OSBPL1A: variants seen among roughly 807,000 people sequenced by gnomAD.
OSBPL1A encodes the protein oxysterol binding protein like 1A, also known as oxysterol-binding protein-related protein 1.
OSBPL1A carries 80 observed loss-of-function variants against 137.1 expected under a neutral mutation model. The ratio of observed to expected loss-of-function variants is 0.58; its 90% CI spans 0.49 to 0.70. OSBPL1A has a LOEUF of 0.70. Among genes scored for constraint, OSBPL1A ranks in the 30% least tolerant of loss-of-function variants. The pLI is 0.00. For missense variants in OSBPL1A, 970 were observed against 1,129.4 expected (o/e 0.86, Z 2.02); for synonymous variants, 365 against 389.7 (o/e 0.94, Z 0.75).
chr18:24,284,537 G>C (rs1457457249), intron 14 of OSBPL1A, among the ~76,000 whole-genome samples: 4 of 152,046 alleles, frequency 2.6e-5, no homozygotes, highest in Admixed American at 1.3e-4. Flanking sequence ...ATTTTTAATT[G>C]GGTAAGTTTT....
chr18:24,372,351 C>T (rs1905720437), intron 2 of OSBPL1A, among the ~76,000 whole-genome samples: 1 of 152,076 alleles, frequency 6.6e-6, no homozygotes, highest in Non-Finnish European at 1.5e-5. Flanking sequence ...TGTTTCTGTG[C>T]TGTTGACTTC....
At position 24,242,539 on chromosome 18, in the gene OSBPL1A, C is replaced by T. The variant is rs542660920; in HGVS notation, c.1282-3157G>A. On this transcript the variant is annotated intron_variant, in intron 15 of 27. Transcript: ENST00000319481. ...TCCCCACAGCCCCCAAGGATGAAGG[C>T]TCTTCTCTGTTCTGTGGCCCTGAGT... Among the ~76,000 whole-genome samples, 4 of 152,238 alleles carry T rather than the reference C, an allele frequency of 2.6e-5. No individual in the cohort carries two copies. In the East Asian group the frequency reaches 5.8e-4, roughly 22 times the overall value.
chr18:24,370,659 C>T (rs1336993987), intron 2 of OSBPL1A, among the ~76,000 whole-genome samples: 2 of 152,152 alleles, frequency 1.3e-5, no homozygotes, highest in Non-Finnish European at 2.9e-5. Context: ...CTTATCCAGC[C>T]CCCAGCTCTA....
chr18:24,348,098 A>G (rs2091377267), intron 4 of OSBPL1A, among the ~76,000 whole-genome samples: 1 of 152,168 alleles, frequency 6.6e-6, no homozygotes, highest in African/African-American at 2.4e-5. Flanking sequence ...TCCAATGCCC[A>G]TATGTGTGGA....
At chr18:24,311,915 G>T (rs756649992) in intron 13 of OSBPL1A, 69 bp downstream of exon 13, 22 of 1,568,172 alleles carry the variant, frequency 1.4e-5, no homozygotes, top group Non-Finnish European at 1.8e-5. Context: ...ACATCTTAAA[G>T]AAAAAAGTTC....
chr18:24,240,118 T>C (rs1337009074), intron 15 of OSBPL1A, among the ~76,000 whole-genome samples: 3 of 152,000 alleles, frequency 2.0e-5, no homozygotes, highest in Non-Finnish European at 4.4e-5. Flanking sequence ...GAGATGGGGT[T>C]TCACCATGTT....
intron 14 of OSBPL1A, among the ~76,000 whole-genome samples, chr18:24,294,265 T>C (rs1406861182): frequency 1.3e-5 from 2 of 151,850 alleles, no homozygotes; most frequent in South Asian, 2.1e-4. Flanking sequence ...GGAGTCTTGC[T>C]CTGTTGCCCA....
At chr18:24,353,756 A>C (rs1313762900) in intron 4 of OSBPL1A, among the ~76,000 whole-genome samples, 2 of 152,068 alleles carry the variant, frequency 1.3e-5, no homozygotes, top group African/African-American at 2.4e-5. Context: ...TGATGAGTTC[A>C]TGTCCTTCGT....
chr18:24,315,625 AAT>A (rs199819354), intron 11 of OSBPL1A, among the ~76,000 whole-genome samples: 13,717 of 106,450 alleles, frequency 0.13, 926 homozygotes, highest in Middle Eastern at 0.18. Context: ...TAATATAATT[AAT>A]TATATATATT....
At chr18:24,314,185 A>G in intron 12 of OSBPL1A, 64 bp downstream of exon 12, 2 of 1,104,028 alleles carry the variant, frequency 1.8e-6, no homozygotes, top group Non-Finnish European at 2.6e-6. Context: ...AACCTATGTT[A>G]TATTCTCCGT....
At chr18:24,322,400 T>C (rs897501661) in intron 7 of OSBPL1A, among the ~76,000 whole-genome samples, 1 of 151,874 alleles carries the variant, frequency 6.6e-6, no homozygotes, top group Non-Finnish European at 1.5e-5. Flanking sequence ...GGATTACAGG[T>C]GTGAGCCACC....
chr18:24,314,191 T>G, intron 12 of OSBPL1A, 58 bp downstream of exon 12: 1 of 1,168,228 alleles, frequency 8.6e-7, no homozygotes, highest in South Asian at 1.5e-5. Flanking sequence ...TGTTATATTC[T>G]CCGTGTCTTT....
At chr18:24,309,060 C>A (rs959877681) in intron 13 of OSBPL1A, among the ~76,000 whole-genome samples, 5 of 152,130 alleles carry the variant, frequency 3.3e-5, no homozygotes, top group Non-Finnish European at 7.4e-5. Context: ...CGTAAGCCAC[C>A]GTGCCCAGCT....
intron 4 of OSBPL1A, among the ~76,000 whole-genome samples, chr18:24,350,372 A>G (rs1050003039): frequency 2.0e-5 from 3 of 152,192 alleles, no homozygotes; most frequent in Non-Finnish European, 2.9e-5. Context: ...CCTGCCCAAG[A>G]CCACTTATCT....
At position 24,380,078 on chromosome 18, in the gene OSBPL1A, T is replaced by C. The variant is rs576034488; in HGVS notation, c.-2-2543A>G. 1.2e-4 allele frequency among the ~76,000 whole-genome samples: 18 copies of C among 152,172 alleles called. No individual in the cohort carries two copies. In the South Asian group the frequency reaches 3.7e-3, roughly 32 times the overall value. ...TGACTTCTCTATCACAACATAAGCATCCAAAAGACAACAAAGCAATACCTA... is the reference window on the plus strand; with the variant it reads ...TGACTTCTCTATCACAACATAAGCACCCAAAAGACAACAAAGCAATACCTA... On this transcript the variant is annotated intron_variant, in intron 1 of 27. Transcript: ENST00000319481.
At chr18:24,188,275 T>C (rs2086801921) in intron 18 of OSBPL1A, among the ~76,000 whole-genome samples, 1 of 152,152 alleles carries the variant, frequency 6.6e-6, no homozygotes, top group African/African-American at 2.4e-5. Flanking sequence ...TTTCTCCACA[T>C]CCAGCTCCGT....
intron 4 of OSBPL1A, among the ~76,000 whole-genome samples, chr18:24,342,109 T>C (rs1007950386): frequency 1.3e-5 from 2 of 152,226 alleles, no homozygotes; most frequent in Non-Finnish European, 1.5e-5. Context: ...TTTTCTAAAG[T>C]GATATACCAT....
rs182150 is a variant in OSBPL1A, at chr18:24,246,207, C to T, written c.1282-6825G>A. Among the ~76,000 whole-genome samples, 381 of 151,738 alleles carry T rather than the reference C, an allele frequency of 2.5e-3. 2 individuals carry two copies. The highest frequency in any genetic ancestry group is 3.4e-3 in the Non-Finnish European group (230 of 67,902). On this transcript the variant is annotated intron_variant, in intron 15 of 27. Transcript: ENST00000319481. ...AGCCTGGGCAACAAGAGCGAAACCC[C>T]GTCTTGAAAAATAAATAAATAAATA...
intron 14 of OSBPL1A, among the ~76,000 whole-genome samples, chr18:24,298,007 CA>C (rs2090324214): frequency 6.6e-6 from 1 of 152,036 alleles, no homozygotes; most frequent in South Asian, 2.1e-4. Flanking sequence ...GATAGGAGGT[CA>C]GCACAAAATA....
Sources: gnomAD v4.1 joint callset for allele counts (sites outside exome capture counted in the v4.1 genomes callset) on GRCh38, gnomAD v4.1.1 for gene constraint, MANE v1.5 for transcripts, NCBI Gene and HGNC (gene_info 2026-07-23, HGNC 2026-07-21) for gene names.